Variants in CDC42BPB observed in about 807,000 individuals in gnomAD.
The protein encoded by CDC42BPB is serine/threonine-protein kinase MRCK beta.
CDC42BPB carries 37 observed loss-of-function variants against 214.9 expected under a neutral mutation model. The ratio of observed to expected loss-of-function variants is 0.17; its 90% CI spans 0.13 to 0.23. CDC42BPB has a LOEUF of 0.23. Among genes scored for constraint, CDC42BPB ranks in the 10% least tolerant of loss-of-function variants. CDC42BPB has a pLI of 1.00. For synonymous variants in CDC42BPB, 931 were observed against 884.0 expected (o/e 1.05, Z -0.94); for missense variants, 1,694 against 2,227.0 (o/e 0.76, Z 4.82).
chr14:102,988,196 A>C (rs542751361), intron 5 of CDC42BPB, among the ~76,000 whole-genome samples: 1 of 152,174 alleles, frequency 6.6e-6, no homozygotes, highest in Non-Finnish European at 1.5e-5. Flanking sequence ...AAATGAGGTA[A>C]AGAAACAAGG....
Position 102,948,011 on chromosome 14 carries a change from G to A in CDC42BPB, c.3450-209C>T, listed in dbSNP as rs529087311. The A allele has an allele frequency of 4.0e-5, 39 of 972,422 alleles. No individual in the cohort carries two copies. The African/African-American group carries it at 4.6e-4, about 12-fold the overall frequency. The allele number at this position is 972,422 out of a possible 1,614,324, so 60.2% of individuals were successfully genotyped here. On this transcript the variant is annotated intron_variant, in intron 26 of 36. Transcript: ENST00000361246. ...AGGTGTTTCAGGGCTTAGGGATGCC[G>A]CAAGGGAAACCCCGGAGCCTCATCC...
At chr14:102,937,961 G>A (rs1891714368) in intron 36 of CDC42BPB, 143 bp downstream of exon 36, 12 of 868,826 alleles carry the variant, frequency 1.4e-5, no homozygotes, top group East Asian at 2.4e-5. Context: ...CAGCCACCCC[G>A]ACCCCTGCCC....
chr14:103,054,383 T>C (rs1042864448), intron 1 of CDC42BPB, among the ~76,000 whole-genome samples: 1 of 152,238 alleles, frequency 6.6e-6, no homozygotes, highest in Admixed American at 6.5e-5. Flanking sequence ...AGGTTTCAAA[T>C]GTCATGGAGT....
chr14:103,016,444 G>A (rs72704754), intron 1 of CDC42BPB, among the ~76,000 whole-genome samples: 11,657 of 149,714 alleles, frequency 0.078, 743 homozygotes, highest in Middle Eastern at 0.13. Context: ...GGTGTGGGGT[G>A]GAGTGAGGAG....
At chr14:103,000,304 C>T (rs539266591) in intron 4 of CDC42BPB, among the ~76,000 whole-genome samples, 31 of 152,384 alleles carry the variant, frequency 2.0e-4, no homozygotes, top group Admixed American at 5.9e-4. Context: ...CACTTCCCCG[C>T]GAGTTCCCTC....
At chr14:102,939,779 G>GC (rs745708875) in intron 33 of CDC42BPB, 51 bp downstream of exon 33, 4 of 1,613,964 alleles carry the variant, frequency 2.5e-6, no homozygotes, top group Non-Finnish European at 2.5e-6. Context: ...AATCCTCTTG[G>GC]CCCCCTCCCT....
At position 103,008,504 on chromosome 14, in the gene CDC42BPB, G is replaced by A. The variant is rs772832755; in HGVS notation, c.319C>T (p.Leu107Phe). The change falls in exon 3 of 37, where the codon CTC becomes TTC. Residue 107 changes from leucine (L) to phenylalanine (F), a missense_variant. By Grantham distance (22) the Leu-to-Phe change is conservative. Coordinates refer to ENST00000361246, the MANE Select transcript of CDC42BPB (RefSeq NM_006035.4). ...NTERIYAMKI[L>F]NKWEMLKRAE... Reference sequence around the variant, plus strand: ...CTTTTCAGCATCTCCCACTTGTTGAGGATTTTCATTGCATAAATTCGTTCA... The same window carrying A: ...CTTTTCAGCATCTCCCACTTGTTGAAGATTTTCATTGCATAAATTCGTTCA... 1.2e-6 allele frequency: 2 copies of A among 1,612,380 alleles called. No homozygotes were observed. Among genetic ancestry groups the A allele is most frequent in the Non-Finnish European group, 1.7e-6 (2 of 1,178,368 alleles).
At chr14:102,947,865 CGCCCTGCCCT>C (rs879720441) in intron 26 of CDC42BPB, 63 bp from the exon 27 acceptor site, 9 of 1,599,892 alleles carry the variant, frequency 5.6e-6, no homozygotes, top group African/African-American at 2.7e-5. Context: ...GGCCCTCCCA[CGCCCTGCCCT>C]GCCCTGCCCT....
intron 2 of CDC42BPB, among the ~76,000 whole-genome samples, chr14:103,011,636 C>T (rs968791570): frequency 8.5e-5 from 13 of 152,056 alleles, no homozygotes; most frequent in African/African-American, 2.7e-4. Flanking sequence ...CCCAGCTACT[C>T]GGAAGGCTGA....
rs1892183022 is a variant in CDC42BPB, at chr14:102,946,484, C to T, written c.3732G>A (p.Leu1244=). ...GGGACGTACCCACGATGGCAGCTGT[C>T]AGGATGGCCTTGATGAGAGGCAGCG... The part of the protein sequence containing the change: ...DSSLPLIKAI[L]TAAIVDADRI... Residue 1244 remains leucine (L), a synonymous_variant, in exon 28 of 37, where the codon CTG becomes CTA. Transcript: ENST00000361246. 6.2e-7 allele frequency: 1 copy of T among 1,612,736 alleles called. No individual in the cohort carries two copies. Among genetic ancestry groups the T allele is most frequent in the Non-Finnish European group, 8.5e-7 (1 of 1,179,956 alleles).
chr14:103,027,689 T>C (rs920764401), intron 1 of CDC42BPB, among the ~76,000 whole-genome samples: 10 of 152,170 alleles, frequency 6.6e-5, no homozygotes, highest in Non-Finnish European at 1.3e-4. Flanking sequence ...ACAAAAAGTA[T>C]ATTAGTGGTT....
chr14:102,980,743 C>A, intron 8 of CDC42BPB, 30 bp downstream of exon 8: 1 of 1,610,432 alleles, frequency 6.2e-7, no homozygotes, highest in Non-Finnish European at 8.5e-7. Context: ...CCACAGCCAG[C>A]AACCCTGAGA....
At chr14:103,006,015 CA>C (rs1172933917) in intron 3 of CDC42BPB, among the ~76,000 whole-genome samples, 986 of 58,148 alleles carry the variant, frequency 0.017, 8 homozygotes, top group East Asian at 0.029. Context: ...AGAGACGTCT[CA>C]AAAAAAAAAA....
intron 5 of CDC42BPB, among the ~76,000 whole-genome samples, chr14:102,996,856 A>AT (rs1158902254): frequency 7.2e-5 from 11 of 151,820 alleles, no homozygotes; most frequent in Non-Finnish European, 1.5e-4. Context: ...AAAAGCAAGC[A>AT]TAACTATGTT....
chr14:103,002,125 C>T (rs1006075056), intron 4 of CDC42BPB, among the ~76,000 whole-genome samples: 1 of 152,200 alleles, frequency 6.6e-6, no homozygotes, highest in Non-Finnish European at 1.5e-5. Flanking sequence ...GAGGAACCCA[C>T]GTTTCCATAT....
chr14:103,043,610 C>G (rs1433450799), intron 1 of CDC42BPB, among the ~76,000 whole-genome samples: 1 of 151,932 alleles, frequency 6.6e-6, no homozygotes, highest in Non-Finnish European at 1.5e-5. Flanking sequence ...TACTAAAACA[C>G]ACCAACACTG....
At chr14:103,018,181 T>C (rs1008251380) in intron 1 of CDC42BPB, among the ~76,000 whole-genome samples, 1 of 152,024 alleles carries the variant, frequency 6.6e-6, no homozygotes, top group Non-Finnish European at 1.5e-5. Flanking sequence ...TGACCGGAGG[T>C]AGAGCTCAGG....
chr14:102,942,297 G>T (rs1376508411), intron 30 of CDC42BPB, among the ~76,000 whole-genome samples: 1 of 152,200 alleles, frequency 6.6e-6, no homozygotes, highest in Non-Finnish European at 1.5e-5. Flanking sequence ...CCCGTGGGTG[G>T]AGCTGGCCGT....
At chr14:102,996,258 T>C (rs1337497404) in intron 5 of CDC42BPB, among the ~76,000 whole-genome samples, 2 of 152,090 alleles carry the variant, frequency 1.3e-5, no homozygotes, top group Admixed American at 1.3e-4. Context: ...GAGAATGGCG[T>C]GAACCCGGGA....
Sources: gnomAD v4.1 joint callset for allele counts (sites outside exome capture counted in the v4.1 genomes callset) on GRCh38, gnomAD v4.1.1 for gene constraint, MANE v1.5 for transcripts, NCBI Gene and HGNC (gene_info 2026-07-23, HGNC 2026-07-21) for gene names.